GPHN: variants seen among roughly 807,000 people sequenced by gnomAD.
GPHN encodes gephyrin.
Under a neutral mutation model 95.5 loss-of-function variants are expected in GPHN, and 17 were observed. The observed-to-expected ratio is 0.18, with a 90% confidence interval of 0.12 to 0.27. GPHN has a LOEUF of 0.27. Ranked by LOEUF, GPHN falls within the 10% of genes least tolerant of loss-of-function variation. GPHN has a pLI of 1.00. For missense variants in GPHN, 660 were observed against 978.1 expected (o/e 0.67, Z 4.34); for synonymous variants, 320 against 322.5 (o/e 0.99, Z 0.08).
intron 2 of GPHN, among the ~76,000 whole-genome samples, chr14:66,743,948 G>A (rs555227628): frequency 6.6e-6 from 1 of 152,046 alleles, no homozygotes; most frequent in South Asian, 2.1e-4. Context: ...TAAATGAAAC[G>A]ATTACATTTC....
At chr14:67,171,867 G>T (rs550713709) in intron 21 of GPHN, among the ~76,000 whole-genome samples, 2 of 152,084 alleles carry the variant, frequency 1.3e-5, no homozygotes, top group East Asian at 3.9e-4. Context: ...AACTCCCTTG[G>T]CAAGGAATTA....
intron 8 of GPHN, among the ~76,000 whole-genome samples, chr14:66,956,305 A>G (rs929115064): frequency 6.6e-6 from 1 of 152,034 alleles, no homozygotes. Flanking sequence ...GTCTCAAATT[A>G]TTTTCTTATT....
At chr14:67,138,238 C>T (rs1166381851) in intron 17 of GPHN, among the ~76,000 whole-genome samples, 3 of 152,162 alleles carry the variant, frequency 2.0e-5, no homozygotes, top group Non-Finnish European at 4.4e-5. Flanking sequence ...GTGAGATTAA[C>T]ACATAGGTGT....
At chr14:66,770,761 T>A (rs1566926259) in intron 2 of GPHN, among the ~76,000 whole-genome samples, 1 of 152,200 alleles carries the variant, frequency 6.6e-6, no homozygotes, top group South Asian at 2.1e-4. Context: ...TCCAAAAATA[T>A]TAATATTGAG....
chr14:66,827,532 G>A (rs141488623), intron 4 of GPHN, among the ~76,000 whole-genome samples: 2 of 152,124 alleles, frequency 1.3e-5, no homozygotes, highest in African/African-American at 4.8e-5. Context: ...GGCTGTGACC[G>A]TTCAGTGAGA....
the GPHN span, among the ~76,000 whole-genome samples, chr14:67,510,475 G>A: frequency 6.6e-6 from 1 of 152,184 alleles, no homozygotes; most frequent in African/African-American, 2.4e-5. Flanking sequence ...CTCACCATGT[G>A]TTAGAAACTG....
the GPHN span, among the ~76,000 whole-genome samples, chr14:67,662,267 G>A: frequency 5.3e-5 from 8 of 151,976 alleles, no homozygotes; most frequent in Non-Finnish European, 1.2e-4. Context: ...TATTACCAAA[G>A]AGTCACATTT....
chr14:67,568,932 G>C, the GPHN span: 1 of 547,960 alleles, frequency 1.8e-6, no homozygotes, highest in African/African-American at 1.9e-5. Flanking sequence ...TCTCACAGCA[G>C]CCTGAAAGGT....
At chr14:67,332,851 G>A in the GPHN span, 4,606 of 1,613,946 alleles carry the variant, frequency 2.9e-3, 155 homozygotes, top group South Asian at 0.046. Context: ...ACTTTGATAC[G>A]GCAATTGTGA....
At chr14:67,239,652 T>A in the GPHN span, among the ~76,000 whole-genome samples, 17 of 152,318 alleles carry the variant, frequency 1.1e-4, no homozygotes, top group African/African-American at 3.8e-4. Flanking sequence ...GGTCAGGTGT[T>A]CAAGACCAGC....
intron 4 of GPHN, among the ~76,000 whole-genome samples, chr14:66,876,966 G>T (rs1012658751): frequency 2.0e-5 from 3 of 152,118 alleles, no homozygotes; most frequent in Non-Finnish European, 4.4e-5. Flanking sequence ...CAATATCCCC[G>T]AGGAACATGG....
At chr14:67,473,582 G>A in the GPHN span, 5 of 1,611,380 alleles carry the variant, frequency 3.1e-6, no homozygotes, top group South Asian at 2.2e-5. This position sits in a 1 kb window ranked among gnomAD's most constrained non-coding sequence, Gnocchi z 6.5. Context: ...GGGTGATGAG[G>A]CCCATGAAGT....
the GPHN span, among the ~76,000 whole-genome samples, chr14:67,598,385 A>G: frequency 0.091 from 13,903 of 152,210 alleles, 676 homozygotes; most frequent in Middle Eastern, 0.13. Context: ...TCAGCTATAC[A>G]ATGGTATAAA....
At chr14:66,521,567 TG>T (rs1196368601) in intron 1 of GPHN, among the ~76,000 whole-genome samples, 1 of 152,200 alleles carries the variant, frequency 6.6e-6, no homozygotes, top group Non-Finnish European at 1.5e-5. Context: ...CTAGCAGATC[TG>T]GTCTGGTGAG....
At chr14:66,811,482 G>A (rs1395423070) in intron 3 of GPHN, among the ~76,000 whole-genome samples, 2 of 148,248 alleles carry the variant, frequency 1.3e-5, no homozygotes, top group African/African-American at 5.0e-5. Context: ...ATTATTTTTG[G>A]TCTTTTTAGT....
chr14:67,141,345 C>T (rs753535498), intron 17 of GPHN, among the ~76,000 whole-genome samples: 16 of 152,114 alleles, frequency 1.1e-4, no homozygotes, highest in Non-Finnish European at 2.4e-4. Flanking sequence ...CTATGATTTT[C>T]TTGTGTGTTA....
At chr14:67,291,670 C>T in the GPHN span, among the ~76,000 whole-genome samples, 1 of 152,330 alleles carries the variant, frequency 6.6e-6, no homozygotes, top group South Asian at 2.1e-4. Context: ...ACACAATGCA[C>T]ATACATATGC....
chr14:67,304,159 G>C, the GPHN span: 1 of 152,872 alleles, frequency 6.5e-6, no homozygotes, highest in African/African-American at 2.4e-5. Context: ...AACTTAGTAT[G>C]GAGTAGGGCA....
intron 2 of GPHN, among the ~76,000 whole-genome samples, chr14:66,721,003 A>G (rs896736067): frequency 2.0e-5 from 3 of 152,246 alleles, no homozygotes; most frequent in African/African-American, 7.2e-5. Flanking sequence ...TTAAATAATT[A>G]TAATCACCCT....
Sources: allele counts gnomAD v4.1 joint callset (sites outside exome capture counted in the v4.1 genomes callset), GRCh38; gene constraint gnomAD v4.1.1; non-coding constraint Gnocchi (gnomAD v3.1); transcripts MANE v1.5; gene names NCBI Gene and HGNC (gene_info 2026-07-23, HGNC 2026-07-21).